Variants in UNC5C observed in about 807,000 individuals in gnomAD.
UNC5C encodes netrin receptor UNC5C.
A neutral mutation model predicts 99.8 loss-of-function variants in UNC5C; 47 were observed. The ratio of observed to expected loss-of-function variants is 0.47; its 90% CI spans 0.37 to 0.60. The LOEUF (loss-of-function observed/expected upper bound fraction) is 0.60. Among genes scored for constraint, UNC5C ranks in the 20% least tolerant of loss-of-function variants. The pLI is 0.00. For missense variants in UNC5C, 1,062 were observed against 1,165.9 expected, an observed-to-expected ratio of 0.91 and a Z score of 1.30; for synonymous variants, 487 against 452.2, an observed-to-expected ratio of 1.08 and a Z score of -0.98.
chr4:95,369,393 A>G (rs1744678370), intron 1 of UNC5C, among the ~76,000 whole-genome samples: 1 of 151,672 alleles, frequency 6.6e-6, no homozygotes, highest in African/African-American at 2.4e-5. Flanking sequence ...TCTACAAAAA[A>G]ATATAAAAAT....
At chr4:95,352,386 G>A (rs1321242275) in intron 1 of UNC5C, among the ~76,000 whole-genome samples, 1 of 152,074 alleles carries the variant, frequency 6.6e-6, no homozygotes, top group African/African-American at 2.4e-5. Flanking sequence ...AGCTCAGGAT[G>A]TACCCTGGAC....
intron 3 of UNC5C, among the ~76,000 whole-genome samples, chr4:95,293,737 G>A (rs965043233): frequency 2.0e-5 from 3 of 152,146 alleles, no homozygotes; most frequent in Non-Finnish European, 2.9e-5. Context: ...GGACTTGGAT[G>A]CTGGCCTGAC....
chr4:95,171,082 A>G (rs1736080509), intron 14 of UNC5C, among the ~76,000 whole-genome samples: 1 of 152,200 alleles, frequency 6.6e-6, no homozygotes, highest in Non-Finnish European at 1.5e-5. Context: ...TCTGAATTTC[A>G]TCTGCAGGAG....
chr4:95,326,697 A>G (rs1742896228), intron 2 of UNC5C, among the ~76,000 whole-genome samples: 1 of 152,202 alleles, frequency 6.6e-6, no homozygotes, highest in Non-Finnish European at 1.5e-5. Flanking sequence ...TTCAATCAGT[A>G]TATTTTGTTA....
In UNC5C at chr4:95,169,331, T is replaced by C. The variant is rs1735992589; in HGVS notation, c.2699A>G (p.Asn900Ser). The part of the protein sequence containing the change: ...GVILDLWEAQ[N>S]FPDGNLSMLA... ...CATGCTCAGGTTTCCATCTGGGAAG[T>C]TCTGTGCTTCCCAAAGATCCAGGAT... Residue 900 changes from asparagine to serine, a missense_variant, in exon 16 of 16, where the codon AAC (asparagine) becomes AGC (serine). Asn to Ser is a conservative substitution (Grantham distance 46, BLOSUM62 1). Around this residue, in one of 3 missense-constraint regions of UNC5C, gnomAD observed 810 missense variants for 854.5 expected, o/e 0.95. Coordinates refer to ENST00000453304, the MANE Select transcript of UNC5C (RefSeq NM_003728.4). The C allele has an allele frequency of 1.2e-6, 2 of 1,614,106 alleles. No individual in the cohort carries two copies. Among genetic ancestry groups the C allele is most frequent in the African/African-American group, 1.3e-5 (1 of 74,930 alleles).
At chr4:95,495,167 TTTTC>T (rs1478664354) in intron 1 of UNC5C, among the ~76,000 whole-genome samples, 6 of 151,690 alleles carry the variant, frequency 4.0e-5, no homozygotes, top group South Asian at 2.1e-4. Flanking sequence ...TTCTCTATTT[TTTTC>T]TTTCTAAGTA....
At chr4:95,435,164 A>G (rs1289501684) in intron 1 of UNC5C, among the ~76,000 whole-genome samples, 2 of 152,100 alleles carry the variant, frequency 1.3e-5, no homozygotes, top group African/African-American at 2.4e-5. Flanking sequence ...ATGATTACTA[A>G]GTGGCCCTCC....
chr4:95,203,354 T>C (rs1239634088), intron 11 of UNC5C, among the ~76,000 whole-genome samples: 1 of 152,210 alleles, frequency 6.6e-6, no homozygotes, highest in Admixed American at 6.5e-5. Flanking sequence ...TAAGTAATCT[T>C]GGCCGTCAGA....
chr4:95,439,469 TG>T (rs1746887746), intron 1 of UNC5C, among the ~76,000 whole-genome samples: 1 of 152,052 alleles, frequency 6.6e-6, no homozygotes, highest in Non-Finnish European at 1.5e-5. Flanking sequence ...CCTTTGTTAT[TG>T]GATATGGTTA....
intron 3 of UNC5C, among the ~76,000 whole-genome samples, chr4:95,282,086 G>A (rs17023425): frequency 0.019 from 2,961 of 152,204 alleles, 61 homozygotes; most frequent in South Asian, 0.068. Flanking sequence ...CTAGGCAATC[G>A]CTGAAGCACT....
intron 1 of UNC5C, among the ~76,000 whole-genome samples, chr4:95,383,648 A>T (rs1195359291): frequency 1.3e-5 from 2 of 152,336 alleles, no homozygotes; most frequent in South Asian, 2.1e-4. Context: ...TATGGAAAAC[A>T]CCAGGCTGTT....
At chr4:95,446,450 A>C (rs558165324) in intron 1 of UNC5C, among the ~76,000 whole-genome samples, 1 of 152,244 alleles carries the variant, frequency 6.6e-6, no homozygotes, top group African/African-American at 2.4e-5. Context: ...TATTTAGATT[A>C]CATTTATATG....
chr4:95,503,512 T>G (rs1721832390), intron 1 of UNC5C, among the ~76,000 whole-genome samples: 1 of 152,162 alleles, frequency 6.6e-6, no homozygotes, highest in Admixed American at 6.6e-5. Context: ...TGTAATTTAT[T>G]GTCTATTAGA....
chr4:95,278,090 A>T (rs545575026), intron 4 of UNC5C, among the ~76,000 whole-genome samples, 169 bp downstream of exon 4: 1 of 152,364 alleles, frequency 6.6e-6, no homozygotes, highest in East Asian at 1.9e-4. Flanking sequence ...CTCCCAAGTC[A>T]TTAATCAGTT....
intron 1 of UNC5C, among the ~76,000 whole-genome samples, chr4:95,504,851 A>AGT (rs1441335648): frequency 6.6e-6 from 1 of 152,104 alleles, no homozygotes; most frequent in East Asian, 1.9e-4. Flanking sequence ...CATTCATTGC[A>AGT]GTTTAAATTT....
intron 5 of UNC5C, among the ~76,000 whole-genome samples, chr4:95,249,908 G>T (rs1739630656): frequency 6.6e-6 from 1 of 152,140 alleles, no homozygotes; most frequent in South Asian, 2.1e-4. Flanking sequence ...AATGTATTTT[G>T]GGAATAGGTC....
chr4:95,261,374 G>A (rs1740220199), intron 4 of UNC5C, among the ~76,000 whole-genome samples: 1 of 152,154 alleles, frequency 6.6e-6, no homozygotes, highest in Non-Finnish European at 1.5e-5. Context: ...GGGGCATCAG[G>A]AAAGCCTCCT....
rs764172807 is a variant in UNC5C at position 95,301,706 on chromosome 4, T to C, written c.390A>G (p.Gln130=). Residue 130 remains glutamine (Q), a synonymous_variant, in exon 3 of 16, where the codon CAA becomes CAG. Transcript: ENST00000453304. ...REVSIEISRQ[Q]VEELFGPEDY... Reference sequence around the variant, plus strand: ...CTTCAGGTCCAAAGAGTTCTTCCACTTGCTGGCGCGAAATCTCAATGCTCA... The same window carrying C: ...CTTCAGGTCCAAAGAGTTCTTCCACCTGCTGGCGCGAAATCTCAATGCTCA... 3 of 1,613,128 alleles carry C rather than the reference T, an allele frequency of 1.9e-6. No homozygotes were observed. The African/African-American group carries it at 4.0e-5, about 22-fold the overall frequency.
At chr4:95,205,112 G>A (rs936808967) in intron 11 of UNC5C, among the ~76,000 whole-genome samples, 3 of 152,124 alleles carry the variant, frequency 2.0e-5, no homozygotes, top group African/African-American at 7.2e-5. Context: ...TGGCCAAAGA[G>A]TAACGATGCC....
Sources: allele counts gnomAD v4.1 joint callset (sites outside exome capture counted in the v4.1 genomes callset), GRCh38; gene constraint gnomAD v4.1.1; regional missense constraint gnomAD v4.1.1; transcripts MANE v1.5; gene names NCBI Gene and HGNC (gene_info 2026-07-23, HGNC 2026-07-21).